Variants in KLF17 observed in about 807,000 individuals in gnomAD.
KLF17 encodes Krueppel-like factor 17.
Under a neutral mutation model 34.2 loss-of-function variants are expected in KLF17, and 31 were observed. The observed-to-expected ratio is 0.91, with a 90% CI of 0.68 to 1.22. The LOEUF is 1.22. Ranked by LOEUF, KLF17 falls within the 50% of genes most tolerant of loss-of-function variation. The pLI, the probability that KLF17 is intolerant of heterozygous loss-of-function variation, is 0.00. For synonymous variants in KLF17, 179 were observed against 186.7 expected, an observed-to-expected ratio of 0.96 and a Z score of 0.34; for missense variants, 478 against 505.2, an observed-to-expected ratio of 0.95 and a Z score of 0.52.
chr1:44,119,487 A>G (rs562942562), intron 1 of KLF17, among the ~76,000 whole-genome samples: 1 of 152,210 alleles, frequency 6.6e-6, no homozygotes, highest in East Asian at 1.9e-4. Flanking sequence ...TACAATGATG[A>G]ATTTACCATG....
At chr1:44,058,341 C>G in the KLF17 span, among the ~76,000 whole-genome samples, 1 of 151,984 alleles carries the variant, frequency 6.6e-6, no homozygotes, top group Non-Finnish European at 1.5e-5. Flanking sequence ...CCAAGCTGAT[C>G]GTGCAGTGGC....
upstream of KLF17, among the ~76,000 whole-genome samples, chr1:44,117,692 ACCATGTTGG>A (rs1467938574): frequency 6.6e-6 from 1 of 151,544 alleles, no homozygotes; most frequent in East Asian, 1.9e-4. Flanking sequence ...ACGGGGTTTC[ACCATGTTGG>A]CCAGGCTGGT....
chr1:44,086,239 G>A, the KLF17 span, among the ~76,000 whole-genome samples: 1 of 152,238 alleles, frequency 6.6e-6, no homozygotes, highest in Non-Finnish European at 1.5e-5. Context: ...GGCCGAGGCA[G>A]GCAGATCACC....
At chr1:44,125,781 T>C (rs1276163992) in intron 1 of KLF17, among the ~76,000 whole-genome samples, 17 of 152,066 alleles carry the variant, frequency 1.1e-4, no homozygotes, top group Admixed American at 1.1e-3. Flanking sequence ...ACTGTTTTAT[T>C]ATAATGTTTC....
chr1:44,044,334 C>T, the KLF17 span, among the ~76,000 whole-genome samples: 1 of 152,228 alleles, frequency 6.6e-6, no homozygotes, highest in African/African-American at 2.4e-5. Flanking sequence ...GTCCAGGTGG[C>T]AATGTATTGG....
At chr1:44,130,822 A>C in intron 3 of KLF17, 66 bp downstream of exon 3, 4 of 1,505,278 alleles carry the variant, frequency 2.7e-6, no homozygotes, top group South Asian at 1.2e-5. Context: ...TTTGAGACGG[A>C]GTCTCACTCT....
At chr1:44,119,417 AAC>A (rs1491352753) in intron 1 of KLF17, among the ~76,000 whole-genome samples, 1 of 151,458 alleles carries the variant, frequency 6.6e-6, no homozygotes, top group African/African-American at 2.4e-5. Flanking sequence ...AAAAAAAAAA[AAC>A]CCCAAAAATG....
At chr1:44,117,683 C>T (rs942185584), upstream of KLF17, among the ~76,000 whole-genome samples, 4 of 151,304 alleles carry the variant, frequency 2.6e-5, no homozygotes, top group Non-Finnish European at 4.4e-5. Context: ...TTAGTAGAGA[C>T]GGGGTTTCAC....
chr1:44,045,525 T>A, the KLF17 span, among the ~76,000 whole-genome samples: 2 of 152,184 alleles, frequency 1.3e-5, no homozygotes, highest in African/African-American at 4.8e-5. Context: ...TTGAACCTTC[T>A]TAGGTGGCTC....
chr1:44,084,485 C>T, the KLF17 span, among the ~76,000 whole-genome samples: 1 of 151,756 alleles, frequency 6.6e-6, no homozygotes. Flanking sequence ...TGAGGCCAGC[C>T]TGGCCTCAAA....
chr1:44,127,670 C>CTTTTCTTTCTT (rs1353167563), intron 1 of KLF17, among the ~76,000 whole-genome samples: 5 of 45,002 alleles, frequency 1.1e-4, no homozygotes, highest in African/African-American at 3.6e-4. Context: ...TTCTTTCTTT[C>CTTTTCTTTCTT]TTTCTTTCTT....
chr1:44,053,586 A>G, the KLF17 span, among the ~76,000 whole-genome samples: 2 of 152,094 alleles, frequency 1.3e-5, no homozygotes, highest in African/African-American at 4.8e-5. Context: ...AACCAGTACT[A>G]CCAGGAGTTG....
the KLF17 span, chr1:44,088,107 T>TTTTA: frequency 0.13 from 23,548 of 182,594 alleles, 2,232 homozygotes; most frequent in African/African-American, 0.21. Context: ...GCACTCTTAT[T>TTTTA]TTTATTTATT....
chr1:44,107,845 C>G, the KLF17 span, among the ~76,000 whole-genome samples: 2 of 152,104 alleles, frequency 1.3e-5, no homozygotes, highest in African/African-American at 4.8e-5. Flanking sequence ...ATACATTAAA[C>G]TTTATCATAG....
chr1:44,127,682 C>CTT (rs1248538242), intron 1 of KLF17, among the ~76,000 whole-genome samples: 919 of 50,042 alleles, frequency 0.018, 4 homozygotes, highest in Admixed American at 0.026. Flanking sequence ...TTCTTTCTTT[C>CTT]TTTCTTTCTT....
the KLF17 span, among the ~76,000 whole-genome samples, chr1:44,067,608 C>T: frequency 6.6e-6 from 1 of 152,240 alleles, no homozygotes; most frequent in Non-Finnish European, 1.5e-5. Flanking sequence ...AATTATACCA[C>T]AGAATTTGTT....
At chr1:44,109,672 C>G in the KLF17 span, among the ~76,000 whole-genome samples, 1 of 152,056 alleles carries the variant, frequency 6.6e-6, no homozygotes, top group African/African-American at 2.4e-5. Context: ...AGACGTACTC[C>G]TCTGCCTCTG....
chr1:44,076,813 C>T, the KLF17 span: 3 of 150,820 alleles, frequency 2.0e-5, no homozygotes, highest in Non-Finnish European at 1.5e-5. Flanking sequence ...AAACCTCGAA[C>T]TCCTGGGCTC....
At chr1:44,106,294 C>G in the KLF17 span, among the ~76,000 whole-genome samples, 1 of 152,306 alleles carries the variant, frequency 6.6e-6, no homozygotes, top group African/African-American at 2.4e-5. Context: ...TCCTCAGATT[C>G]TTTCCCAACC....
Sources: allele counts gnomAD v4.1 joint callset (sites outside exome capture counted in the v4.1 genomes callset), GRCh38; gene constraint gnomAD v4.1.1; transcripts MANE v1.5; gene names NCBI Gene and HGNC (gene_info 2026-07-23, HGNC 2026-07-21).